STOX2: variants seen among roughly 807,000 people sequenced by gnomAD.
STOX2 encodes the protein storkhead-box protein 2.
A neutral mutation model predicts 60.9 loss-of-function variants in STOX2; 28 were observed. The ratio of observed to expected loss-of-function variants is 0.46; its 90% CI spans 0.34 to 0.63. The LOEUF (loss-of-function observed/expected upper bound fraction) is 0.63. Among genes scored for constraint, STOX2 ranks in the 30% least tolerant of loss-of-function variants. The probability of loss-of-function intolerance (pLI) is 0.01; values close to 1 mark genes in which losing one functional copy is unlikely to be tolerated. For missense variants in STOX2, 1,024 were observed against 1,187.7 expected, an observed-to-expected ratio of 0.86 and a Z score of 2.03; for synonymous variants, 472 against 463.9, an observed-to-expected ratio of 1.02 and a Z score of -0.22.
rs148491221 is a variant in STOX2 at position 183,821,750 on chromosome 4, T to A, written c.364+23695T>A. On this transcript the variant is annotated intron_variant, in intron 1 of 2. Coordinates refer to the STOX2 transcript ENST00000513034. The surrounding 1 kb of genome is among the most constrained non-coding windows in gnomAD (Gnocchi z 4.2). ...AGGGGAGGGGAGGGGTCCCTGCTGCTCCAGCAGCCTCCCCCTCCACATCCC... is the reference window on the plus strand; with the variant it reads ...AGGGGAGGGGAGGGGTCCCTGCTGCACCAGCAGCCTCCCCCTCCACATCCC... Among the ~76,000 whole-genome samples, 182 of 152,260 alleles carry A rather than the reference T, an allele frequency of 1.2e-3. No individual in the cohort carries two copies. The highest frequency in any genetic ancestry group is 2.2e-3 in the Non-Finnish European group (151 of 68,004).
intron 3 of STOX2, among the ~76,000 whole-genome samples, chr4:184,012,879 A>G (rs911238240): frequency 7.9e-5 from 12 of 152,038 alleles, no homozygotes; most frequent in Admixed American, 7.9e-4. Context: ...TATTTTAACT[A>G]TCCTTTTTTT....
chr4:184,005,472 A>AC (rs1202786216), intron 2 of STOX2, among the ~76,000 whole-genome samples: 1,891 of 103,696 alleles, frequency 0.018, 118 homozygotes, highest in Non-Finnish European at 0.033. Context: ...AAAAAAAAAA[A>AC]AAAATTCATA....
chr4:183,956,421 ATCTATCAT>A (rs1330604132), intron 1 of STOX2, among the ~76,000 whole-genome samples: 4 of 146,332 alleles, frequency 2.7e-5, no homozygotes, highest in African/African-American at 1.1e-4. Flanking sequence ...CTATCTGTCG[ATCTATCAT>A]TCTATCATTC....
At chr4:183,819,250 G>A (rs1410376000) in intron 1 of STOX2, among the ~76,000 whole-genome samples, 1 of 152,078 alleles carries the variant, frequency 6.6e-6, no homozygotes, top group Non-Finnish European at 1.5e-5. Flanking sequence ...TCCAGCCTGG[G>A]CAACATTGAG....
At chr4:183,951,853 G>C (rs1236458850) in intron 1 of STOX2, among the ~76,000 whole-genome samples, 2 of 152,104 alleles carry the variant, frequency 1.3e-5, no homozygotes, top group African/African-American at 4.8e-5. Context: ...TGAGGCAGGA[G>C]AATCTCTTGA....
intron 1 of STOX2, among the ~76,000 whole-genome samples, chr4:183,961,531 C>T (rs988018709): frequency 6.6e-6 from 1 of 152,174 alleles, no homozygotes; most frequent in Admixed American, 6.5e-5. Context: ...AGCTTTGCAG[C>T]GCTTCACCCT....
At chr4:183,898,263 T>G (rs1220831210) in intron 1 of STOX2, among the ~76,000 whole-genome samples, 1 of 152,024 alleles carries the variant, frequency 6.6e-6, no homozygotes, top group Non-Finnish European at 1.5e-5. Context: ...GATGTGTGTG[T>G]GGGCTGAAGC....
intron 1 of STOX2, among the ~76,000 whole-genome samples, chr4:183,971,919 G>T (rs1179043872): frequency 6.6e-6 from 1 of 152,230 alleles, no homozygotes; most frequent in Non-Finnish European, 1.5e-5. Flanking sequence ...ATCAGAATTT[G>T]AAGTTCCACT....
At chr4:183,814,783 TA>T (rs1222112673) in intron 1 of STOX2, among the ~76,000 whole-genome samples, 1 of 152,190 alleles carries the variant, frequency 6.6e-6, no homozygotes, top group African/African-American at 2.4e-5. Context: ...ACACAAATAT[TA>T]AAATACATAC....
chr4:183,850,140 T>G (rs1028962414), intron 1 of STOX2, among the ~76,000 whole-genome samples: 23 of 151,878 alleles, frequency 1.5e-4, no homozygotes, highest in Non-Finnish European at 3.1e-4. Flanking sequence ...ATTTTTTGTA[T>G]TTTTATATTT....
At chr4:184,007,713 T>C (rs1733933374) in intron 2 of STOX2, among the ~76,000 whole-genome samples, 1 of 152,204 alleles carries the variant, frequency 6.6e-6, no homozygotes, top group South Asian at 2.1e-4. Context: ...GCAGGATTGG[T>C]TGTCCTTCTG....
intron 1 of STOX2, among the ~76,000 whole-genome samples, chr4:183,932,519 A>G (rs1407673356): frequency 6.6e-6 from 1 of 151,890 alleles, no homozygotes; most frequent in Non-Finnish European, 1.5e-5. Context: ...TTAATGGTGT[A>G]TTGATACAAT....
At position 183,821,328 on chromosome 4, in the gene STOX2, CT is replaced by C. The variant is rs1739299171; in HGVS notation, c.364+23274del. On this transcript the variant is annotated intron_variant, in intron 1 of 2. Transcript: ENST00000513034. The surrounding 1 kb of genome is among the most constrained non-coding windows in gnomAD (Gnocchi z 4.2). ...GCAGATAATGGCTTTATTTTCCTCC[CT>C]GTCTTAATAGGTGGAAGCCTGTGCT... 6.6e-6 allele frequency among the ~76,000 whole-genome samples: 1 copy of C among 152,204 alleles called. No homozygotes were observed. The highest frequency in any genetic ancestry group is 1.5e-5 in the Non-Finnish European group (1 of 68,046).
rs1311851922 is a variant in STOX2 at position 184,011,608 on chromosome 4, C to T, written c.2585+185C>T. On this transcript the variant is annotated intron_variant, in intron 3 of 3. Transcript: ENST00000308497. This position sits in a 1 kb window ranked among gnomAD's most constrained non-coding sequence, Gnocchi z 4.4. ...TCAGGAATTGAAAAAAATGTTTCTGCACCTGTAGAGATCACCAATCTGGAC... is the reference window on the plus strand; with the variant it reads ...TCAGGAATTGAAAAAAATGTTTCTGTACCTGTAGAGATCACCAATCTGGAC... 10 of 1,525,796 alleles carry T rather than the reference C, an allele frequency of 6.6e-6. 2 individuals are homozygous for T. In the South Asian group the frequency reaches 1.1e-4, roughly 17 times the overall value. 94.5% of individuals were successfully genotyped at this position (1,525,796 alleles called of 1,614,324 possible). A position where few individuals can be genotyped will look rare whatever the true frequency, so the allele number is the denominator to read the frequency against.
At chr4:183,975,794 G>C (rs1369057287) in intron 1 of STOX2, among the ~76,000 whole-genome samples, 1 of 152,174 alleles carries the variant, frequency 6.6e-6, no homozygotes, top group Non-Finnish European at 1.5e-5. Flanking sequence ...AAACAAAAGA[G>C]GAGGCAACAT....
rs78642700 is a variant in STOX2 at position 183,936,027 on chromosome 4, C to T, written c.166+29071C>T. Among the ~76,000 whole-genome samples the T allele has an allele frequency of 5.3e-3, 800 of 152,278 alleles. 4 individuals are homozygous for T. The highest frequency in any genetic ancestry group is 0.016 in the African/African-American group (658 of 41,550). Reference sequence around the variant, plus strand: ...TTCACGACATTCGTGGGAGAAAAAGCGTTACTTCTTTAAATGACAAAAGAA... The same window carrying T: ...TTCACGACATTCGTGGGAGAAAAAGTGTTACTTCTTTAAATGACAAAAGAA... On this transcript the variant is annotated intron_variant, in intron 1 of 3. Coordinates refer to ENST00000308497, the MANE Select transcript of STOX2 (RefSeq NM_020225.3).
chr4:183,956,930 A>C (rs1743266560), intron 1 of STOX2, among the ~76,000 whole-genome samples: 1 of 141,938 alleles, frequency 7.0e-6, no homozygotes, highest in South Asian at 2.2e-4. Flanking sequence ...ATTTAGATTA[A>C]GCATTTTTTT....
At chr4:183,993,596 A>G (rs1048051058) in intron 1 of STOX2, among the ~76,000 whole-genome samples, 6 of 152,142 alleles carry the variant, frequency 3.9e-5, no homozygotes, top group African/African-American at 1.4e-4. Flanking sequence ...GAAGTAAAGC[A>G]TTAGGAAACA....
intron 1 of STOX2, among the ~76,000 whole-genome samples, chr4:183,923,479 G>A (rs1176509386): frequency 6.6e-6 from 1 of 152,204 alleles, no homozygotes; most frequent in East Asian, 1.9e-4. Flanking sequence ...GTCTTTCTTA[G>A]AAGGCCGCTG....
Sources: gnomAD v4.1 joint callset for allele counts (sites outside exome capture counted in the v4.1 genomes callset) on GRCh38, gnomAD v4.1.1 for gene constraint, Gnocchi (gnomAD v3.1) non-coding constraint, MANE v1.5 for transcripts, NCBI Gene and HGNC (gene_info 2026-07-23, HGNC 2026-07-21) for gene names.